The following RIMBP2 variants were observed in gnomAD, a reference collection of about 807,000 sequenced individuals.
RIMBP2 encodes RIMS-binding protein 2.
Under a neutral mutation model 118.6 loss-of-function variants are expected in RIMBP2, and 48 were observed. The ratio of observed to expected loss-of-function variants is 0.40; its 90% confidence interval spans 0.32 to 0.51. The LOEUF is 0.51. Ranked by LOEUF, RIMBP2 falls within the 20% of genes least tolerant of loss-of-function variation. The pLI is 0.41. For synonymous variants in RIMBP2, 762 were observed against 742.9 expected, an observed-to-expected ratio of 1.03 and a Z score of -0.42; for missense variants, 1,551 against 1,768.3, an observed-to-expected ratio of 0.88 and a Z score of 2.20.
chr12:130,412,258 C>T (rs1305316929), intron 19 of RIMBP2, among the ~76,000 whole-genome samples: 2 of 152,152 alleles, frequency 1.3e-5, no homozygotes, highest in African/African-American at 4.8e-5. Flanking sequence ...CCCCCAACCA[C>T]CCACTGAAAT....
At chr12:130,445,044 C>T in intron 10 of RIMBP2, 116 bp downstream of exon 10, 2 of 654,550 alleles carry the variant, frequency 3.1e-6, no homozygotes, top group Middle Eastern at 2.6e-4. Flanking sequence ...GAGAGGAGGG[C>T]TGGGTGGCCA....
rs191108535 is a variant in RIMBP2, at chr12:130,597,176, T to A, written c.-217+31146A>T. On this transcript the variant is annotated intron_variant, in intron 2 of 22. Coordinates refer to ENST00000690449, the MANE Select transcript of RIMBP2 (RefSeq NM_001393629.1). Reference sequence around the variant, plus strand: ...CACTATGACTCATAAACAAAAAAAATTATAAACACAATTTGGAAAATTAAA... The same window carrying A: ...CACTATGACTCATAAACAAAAAAAAATATAAACACAATTTGGAAAATTAAA... Among the ~76,000 whole-genome samples the A allele has an allele frequency of 2.4e-3, 366 of 152,292 alleles. 2 individuals are homozygous for A. The highest frequency in any genetic ancestry group is 4.4e-3 in the South Asian group (21 of 4,824).
chr12:130,438,280 G>T, intron 12 of RIMBP2, 85 bp downstream of exon 12: 1 of 1,477,954 alleles, frequency 6.8e-7, no homozygotes, highest in Non-Finnish European at 9.3e-7. Flanking sequence ...AGCAGACCCT[G>T]CCTCCTCCAC....
intron 2 of RIMBP2, among the ~76,000 whole-genome samples, chr12:130,518,752 A>G (rs1236548396): frequency 6.6e-6 from 1 of 152,208 alleles, no homozygotes; most frequent in Non-Finnish European, 1.5e-5. Flanking sequence ...ACAAATAAGT[A>G]AGACAGGGAG....
chr12:130,560,119 A>G (rs1426024942), intron 2 of RIMBP2, among the ~76,000 whole-genome samples: 1 of 152,206 alleles, frequency 6.6e-6, no homozygotes, highest in African/African-American at 2.4e-5. Flanking sequence ...TGGGAATGAC[A>G]ACTCTCCCAG....
At chr12:130,514,406 G>A (rs554489733) in intron 3 of RIMBP2, among the ~76,000 whole-genome samples, 1 of 152,388 alleles carries the variant, frequency 6.6e-6, no homozygotes, top group South Asian at 2.1e-4. Context: ...AGCCATCCAG[G>A]AAAGGAGGCC....
At position 130,414,516 on chromosome 12, in the gene RIMBP2, C is replaced by T. The variant is rs1337574359; in HGVS notation, c.3239-210G>A. 17 of 461,074 alleles carry T rather than the reference C, an allele frequency of 3.7e-5. No homozygotes were observed. In the Admixed American group the frequency reaches 6.7e-4, roughly 18 times the overall value. 28.6% of individuals were successfully genotyped at this position (461,074 alleles called of 1,614,324 possible). ...AACCACAGCCACACTCTGTACCTGGCCACACTGCATGTGAAAGCATTGAGA... is the reference window on the plus strand; with the variant it reads ...AACCACAGCCACACTCTGTACCTGGTCACACTGCATGTGAAAGCATTGAGA... On this transcript the variant is annotated intron_variant, in intron 17 of 22. Coordinates refer to ENST00000690449, the MANE Select transcript of RIMBP2 (RefSeq NM_001393629.1).
At chr12:130,540,146 T>C (rs547611522) in intron 2 of RIMBP2, among the ~76,000 whole-genome samples, 1 of 152,128 alleles carries the variant, frequency 6.6e-6, no homozygotes, top group Non-Finnish European at 1.5e-5. Flanking sequence ...AACTTGGGTT[T>C]TGATCAAAAG....
At chr12:130,516,833 G>A (rs1415661336) in intron 3 of RIMBP2, among the ~76,000 whole-genome samples, 1 of 152,144 alleles carries the variant, frequency 6.6e-6, no homozygotes, top group Non-Finnish European at 1.5e-5. Context: ...GATCCAGAGG[G>A]CATCACAAGA....
intron 5 of RIMBP2, among the ~76,000 whole-genome samples, chr12:130,477,785 C>T (rs2081566809): frequency 6.6e-6 from 1 of 152,226 alleles, no homozygotes; most frequent in East Asian, 1.9e-4. Flanking sequence ...TTTTGAGATC[C>T]AAGACCTGGA....
intron 2 of RIMBP2, among the ~76,000 whole-genome samples, chr12:130,592,540 T>C (rs1404005249): frequency 2.6e-5 from 4 of 152,020 alleles, no homozygotes; most frequent in Admixed American, 2.6e-4. Context: ...AATACAAAAA[T>C]TAGCTGGGCT....
intron 2 of RIMBP2, among the ~76,000 whole-genome samples, chr12:130,544,274 G>A (rs2054892983): frequency 1.3e-5 from 2 of 152,330 alleles, no homozygotes; most frequent in Admixed American, 1.3e-4. Context: ...CCCAGTAGGT[G>A]CTTTTGTTAA....
intron 2 of RIMBP2, among the ~76,000 whole-genome samples, chr12:130,550,048 T>C (rs1451741908): frequency 6.6e-6 from 1 of 152,216 alleles, no homozygotes; most frequent in African/African-American, 2.4e-5. Flanking sequence ...CAATAGCCAT[T>C]CTGACAGGTG....
chr12:130,639,160 G>C (rs1233887218), intron 1 of RIMBP2, among the ~76,000 whole-genome samples: 1 of 149,472 alleles, frequency 6.7e-6, no homozygotes, highest in East Asian at 2.0e-4. Flanking sequence ...GGCCGAGGCG[G>C]GTAGATCACC....
intron 19 of RIMBP2, 97 bp from the exon 20 acceptor site, chr12:130,407,926 G>T: frequency 2.8e-6 from 3 of 1,079,802 alleles, no homozygotes; most frequent in Non-Finnish European, 4.3e-6. Flanking sequence ...CAATACAGCC[G>T]AGACCTGGCA....
chr12:130,659,695 G>A (rs1464868205), intron 1 of RIMBP2, among the ~76,000 whole-genome samples: 3 of 151,952 alleles, frequency 2.0e-5, no homozygotes, highest in Non-Finnish European at 4.4e-5. Flanking sequence ...AATGCCGGCC[G>A]GGCACGGTGG....
At chr12:130,571,454 T>C (rs4759496) in intron 2 of RIMBP2, among the ~76,000 whole-genome samples, 142,974 of 145,878 alleles carry the variant, frequency 0.98, 70,134 homozygotes, top group Non-Finnish European at 1. Flanking sequence ...GAGTCTCACT[T>C]TTTTGCCCAG....
Position 130,450,338 on chromosome 12 carries a change from C to A in RIMBP2, c.505-62G>T. 3 of 1,278,424 alleles carry A rather than the reference C, an allele frequency of 2.3e-6. No homozygotes were observed. The highest frequency in any genetic ancestry group is 1.3e-5 in the South Asian group (1 of 79,750). 79.2% of individuals were successfully genotyped at this position (1,278,424 alleles called of 1,614,324 possible). On this transcript the variant is annotated intron_variant, in intron 8 of 22. Transcript: ENST00000690449. This position sits in a 1 kb window ranked among gnomAD's most constrained non-coding sequence, Gnocchi z 4.8. ...CTGGAGGTGTCCCACCCCATTCCCG[C>A]GGCACACGGGAAAGCCCCTCGCAGC...
chr12:130,652,399 A>T (rs1170312428), intron 1 of RIMBP2, among the ~76,000 whole-genome samples: 1 of 152,152 alleles, frequency 6.6e-6, no homozygotes, highest in South Asian at 2.1e-4. Context: ...AAGTTTGCCA[A>T]CCCTTAGAAT....
Sources: allele counts gnomAD v4.1 joint callset (sites outside exome capture counted in the v4.1 genomes callset), GRCh38; gene constraint gnomAD v4.1.1; non-coding constraint Gnocchi (gnomAD v3.1); transcripts MANE v1.5; gene names NCBI Gene and HGNC (gene_info 2026-07-23, HGNC 2026-07-21).